Variants in FBXW11 observed in about 807,000 individuals in gnomAD.
FBXW11 encodes the protein F-box/WD repeat-containing protein 11.
A neutral mutation model predicts 77.6 loss-of-function variants in FBXW11; 19 were observed. The ratio of observed to expected loss-of-function variants is 0.24; its 90% confidence interval spans 0.17 to 0.36. FBXW11 has a LOEUF of 0.36. Among genes scored for constraint, FBXW11 ranks in the 10% least tolerant of loss-of-function variants. FBXW11 has a pLI of 1.00. For synonymous variants in FBXW11, 235 were observed against 249.4 expected (o/e 0.94, Z 0.54); for missense variants, 334 against 704.2 (o/e 0.47, Z 5.95).
chr5:171,941,081 A>G (rs1289025693), intron 2 of FBXW11, among the ~76,000 whole-genome samples: 2 of 152,344 alleles, frequency 1.3e-5, no homozygotes, highest in East Asian at 3.9e-4. Flanking sequence ...GTGGAGTTTC[A>G]AAGTACCTCC....
chr5:171,976,784 C>T (rs1764849653), intron 1 of FBXW11, among the ~76,000 whole-genome samples: 2 of 152,086 alleles, frequency 1.3e-5, no homozygotes, highest in African/African-American at 2.4e-5. Flanking sequence ...TGGTCGTTCA[C>T]GCCTGTAACC....
At chr5:171,988,851 T>C (rs1266395916) in intron 1 of FBXW11, among the ~76,000 whole-genome samples, 2 of 147,628 alleles carry the variant, frequency 1.4e-5, no homozygotes, top group African/African-American at 5.0e-5. Flanking sequence ...CCTCAATAAA[T>C]AAATAAATAT....
intron 4 of FBXW11, among the ~76,000 whole-genome samples, chr5:171,909,572 C>A (rs963219060): frequency 6.6e-6 from 1 of 152,128 alleles, no homozygotes; most frequent in African/African-American, 2.4e-5. Flanking sequence ...GCTGAGGGAA[C>A]GGGTTATGTG....
chr5:171,975,836 T>C (rs942594949), intron 1 of FBXW11, among the ~76,000 whole-genome samples: 2 of 152,152 alleles, frequency 1.3e-5, no homozygotes, highest in Non-Finnish European at 2.9e-5. Context: ...TCATAAAGAA[T>C]AGCATTTCCA....
chr5:171,939,575 G>A (rs924265317), intron 2 of FBXW11, among the ~76,000 whole-genome samples: 1 of 151,742 alleles, frequency 6.6e-6, no homozygotes, highest in Non-Finnish European at 1.5e-5. Context: ...ACATGTGCCT[G>A]TAGTCCCAGC....
intron 1 of FBXW11, among the ~76,000 whole-genome samples, chr5:171,985,449 C>T (rs901226784): frequency 3.3e-5 from 5 of 151,662 alleles, no homozygotes; most frequent in Non-Finnish European, 7.4e-5. Flanking sequence ...ACAGTGAGAC[C>T]CAGTATCTAA....
At chr5:171,920,132 C>T (rs1761505492) in intron 2 of FBXW11, among the ~76,000 whole-genome samples, 1 of 151,990 alleles carries the variant, frequency 6.6e-6, no homozygotes, top group Non-Finnish European at 1.5e-5. Context: ...CACTGCACTC[C>T]AGTCTGGGCA....
intron 6 of FBXW11, among the ~76,000 whole-genome samples, chr5:171,892,933 A>T (rs1029815595): frequency 5.3e-5 from 8 of 152,066 alleles, no homozygotes; most frequent in Admixed American, 5.2e-4. Flanking sequence ...CATCTAACAA[A>T]CTGTATTTCT....
chr5:171,908,196 A>C (rs1421488246), intron 4 of FBXW11, among the ~76,000 whole-genome samples: 1 of 152,300 alleles, frequency 6.6e-6, no homozygotes, highest in East Asian at 1.9e-4. Flanking sequence ...AAGCTGCATC[A>C]TATGTACATG....
chr5:171,868,690 C>T lies in FBXW11; in HGVS notation c.1637G>A (p.Ser546Asn), dbSNP rs1338877910. ...LIWDFLNVPP[S>N]AQNETRSPSR... ...GGGAGAACGGGTCTCATTCTGGGCA[C>T]TGGGAGGCACATTTAAGAAATCCCA... is the stretch of plus-strand genomic sequence containing the variant. Residue 546 changes from serine (S) to asparagine (N), a missense_variant, in exon 13 of 14, where the codon AGT becomes AAT. Ser to Asn is a conservative substitution (Grantham distance 46, BLOSUM62 1). This residue lies in a region of FBXW11 where 20 missense variants were observed against 26.8 expected (regional missense o/e 0.75). Transcript: ENST00000517395. 1.2e-6 allele frequency: 2 copies of T among 1,613,912 alleles called. No homozygotes were observed. Among genetic ancestry groups the T allele is most frequent in the Non-Finnish European group, 8.5e-7 (1 of 1,179,894 alleles).
At chr5:171,874,657 G>A (rs1461360472) in intron 9 of FBXW11, among the ~76,000 whole-genome samples, 2 of 146,968 alleles carry the variant, frequency 1.4e-5, no homozygotes, top group Non-Finnish European at 3.0e-5. Context: ...CCACTGGCAG[G>A]ATTGTAAAAT....
intron 1 of FBXW11, among the ~76,000 whole-genome samples, chr5:171,972,791 C>CA (rs1201070353): frequency 2.0e-5 from 3 of 152,074 alleles, no homozygotes; most frequent in African/African-American, 7.2e-5. Context: ...GTGATCCACC[C>CA]ACCTCGGCCT....
intron 2 of FBXW11, among the ~76,000 whole-genome samples, chr5:171,916,982 G>T (rs2113966306): frequency 6.6e-6 from 1 of 152,256 alleles, no homozygotes; most frequent in Admixed American, 6.5e-5. Context: ...GTGCAACGGT[G>T]TGATCTCAAA....
At chr5:171,895,901 G>A (rs1409834118) in intron 6 of FBXW11, among the ~76,000 whole-genome samples, 1 of 152,182 alleles carries the variant, frequency 6.6e-6, no homozygotes, top group African/African-American at 2.4e-5. Flanking sequence ...AGGTTTTCTA[G>A]GAATTCCTTC....
chr5:171,998,336 CT>C lies in FBXW11; in HGVS notation c.45+8121del, dbSNP rs778327855. 2.6e-3 allele frequency among the ~76,000 whole-genome samples: 296 copies of C among 114,796 alleles called. 1 individual carries two copies. The highest frequency in any genetic ancestry group is 4.9e-3 in the East Asian group (21 of 4,304). The allele number at this position is 114,796 out of a possible 152,430, so 75.3% of individuals were successfully genotyped here. ...ACAGCCCATGATATTTTTTTCTTGT[CT>C]TTTTTTTTTTTTTTTTAAGTAGAGA... On this transcript the variant is annotated intron_variant, in intron 1 of 13. Transcript: ENST00000517395.
intron 2 of FBXW11, among the ~76,000 whole-genome samples, chr5:171,932,028 C>A (rs969687379): frequency 2.6e-5 from 4 of 151,900 alleles, no homozygotes; most frequent in Non-Finnish European, 5.9e-5. Context: ...GGGTACACCA[C>A]CATACGTGGC....
At chr5:171,881,061 C>T (rs1252212261) in intron 7 of FBXW11, among the ~76,000 whole-genome samples, 2 of 152,184 alleles carry the variant, frequency 1.3e-5, no homozygotes, top group African/African-American at 4.8e-5. Context: ...AAGCAACTGA[C>T]TTAAGTATAT....
chr5:171,969,105 T>TA (rs764658056), intron 1 of FBXW11, among the ~76,000 whole-genome samples: 18 of 152,036 alleles, frequency 1.2e-4, no homozygotes, highest in Admixed American at 1.3e-4. Context: ...CTGTCTCTAC[T>TA]AAAAAAACAA....
intron 1 of FBXW11, among the ~76,000 whole-genome samples, chr5:172,001,345 ATT>A (rs1561765782): frequency 3.9e-5 from 6 of 152,230 alleles, no homozygotes; most frequent in Non-Finnish European, 2.9e-5. Context: ...TTTGGAACTG[ATT>A]ATTGTGAGAA....
Sources: gnomAD v4.1 joint callset for allele counts (sites outside exome capture counted in the v4.1 genomes callset) on GRCh38, gnomAD v4.1.1 for gene constraint, gnomAD v4.1.1 regional missense constraint, MANE v1.5 for transcripts, NCBI Gene and HGNC (gene_info 2026-07-23, HGNC 2026-07-21) for gene names.